MYO3A: variants seen among roughly 807,000 people sequenced by gnomAD.
MYO3A encodes myosin-IIIa.
In MYO3A, 180 loss-of-function variants were observed where a neutral mutation model predicts 192.7. The observed-to-expected ratio is 0.93, with a 90% confidence interval of 0.83 to 1.06. The LOEUF (loss-of-function observed/expected upper bound fraction) is 1.06, where lower values mean the gene tolerates loss of function less well. Ranked by LOEUF, MYO3A falls within the 50% of genes least tolerant of loss-of-function variation. The pLI is 0.00. For synonymous variants in MYO3A, 628 were observed against 645.3 expected (o/e 0.97, Z 0.41); for missense variants, 1,896 against 1,905.0 (o/e 1.00, Z 0.09).
At chr10:26,017,287 A>G (rs765287012) in intron 7 of MYO3A, among the ~76,000 whole-genome samples, 12 of 152,208 alleles carry the variant, frequency 7.9e-5, no homozygotes, top group Non-Finnish European at 1.3e-4. Flanking sequence ...CCATTAACCC[A>G]TATGGCAGGT....
At position 25,960,335 on chromosome 10, in the gene MYO3A, C is replaced by T. The variant is rs1340820084; in HGVS notation, c.303+5327C>T. Among the ~76,000 whole-genome samples, 12 of 151,998 alleles carry T rather than the reference C, an allele frequency of 7.9e-5. No homozygotes were observed. In the East Asian group the frequency reaches 2.3e-3, roughly 29 times the overall value. ...ATATTATTTTACAAAATTAAATAGCCATGTATGTTCTTTAAAAATAGACAA... is the reference window on the plus strand; with the variant it reads ...ATATTATTTTACAAAATTAAATAGCTATGTATGTTCTTTAAAAATAGACAA... On this transcript the variant is annotated intron_variant, in intron 4 of 34. Transcript: ENST00000642920.
intron 6 of MYO3A, among the ~76,000 whole-genome samples, chr10:25,999,149 C>T (rs757069893): frequency 2.8e-4 from 43 of 152,108 alleles, no homozygotes; most frequent in Non-Finnish European, 5.9e-4. Context: ...CCACCCGTCT[C>T]GGCCTCCCAA....
rs1176094576 is a variant in MYO3A, at chr10:26,120,765, C to T, written c.1866C>T (p.Asp622=). Residue 622 remains aspartate, a synonymous_variant, in exon 18 of 35, where the codon GAC becomes GAT. Coordinates refer to ENST00000642920, the MANE Select transcript of MYO3A (RefSeq NM_017433.5). ...CTGTGGCAACTGAACACCAGATTGA[C>T]AAGAGCCACATTTCTAATCATACAG... ...FSSVATEHQI[D]KSHISNHTAL... is the part of the protein sequence containing the mutation. 1 of 1,614,072 alleles carries T rather than the reference C, an allele frequency of 6.2e-7. No homozygotes were observed. The highest frequency in any genetic ancestry group is 8.5e-7 in the Non-Finnish European group (1 of 1,179,998).
intron 23 of MYO3A, among the ~76,000 whole-genome samples, chr10:26,149,698 A>G (rs1377797001): frequency 1.3e-5 from 2 of 152,244 alleles, no homozygotes; most frequent in African/African-American, 4.8e-5. Flanking sequence ...ACATTGTAGA[A>G]TAATGAAATC....
intron 2 of MYO3A, among the ~76,000 whole-genome samples, chr10:25,947,911 T>C (rs1836961295): frequency 1.3e-5 from 2 of 152,062 alleles, no homozygotes; most frequent in Non-Finnish European, 2.9e-5. Context: ...ATTCTGGTAG[T>C]GGAGAAAACA....
chr10:26,147,300 T>C, intron 22 of MYO3A, 130 bp from the exon 23 acceptor site: 1 of 930,380 alleles, frequency 1.1e-6, no homozygotes, highest in Non-Finnish European at 1.7e-6. Flanking sequence ...CCTTAGTAAA[T>C]GCTTGTATCA....
intron 11 of MYO3A, 109 bp from the exon 12 acceptor site, chr10:26,068,659 T>C: frequency 1.4e-6 from 1 of 700,322 alleles, no homozygotes; most frequent in Non-Finnish European, 2.4e-6. Context: ...TCTGTTTTTC[T>C]AATCCTTCGT....
intron 21 of MYO3A, among the ~76,000 whole-genome samples, chr10:26,145,217 T>C (rs980248236): frequency 6.6e-6 from 1 of 150,846 alleles, no homozygotes; most frequent in African/African-American, 2.4e-5. Flanking sequence ...GTGACTCTGA[T>C]GCATGACATG....
chr10:26,117,241 T>C (rs1838564844), intron 17 of MYO3A, among the ~76,000 whole-genome samples: 1 of 152,178 alleles, frequency 6.6e-6, no homozygotes, highest in South Asian at 2.1e-4. Context: ...TTCTGCATCA[T>C]TTTATATACT....
At chr10:26,153,432 T>C (rs1239112076) in intron 23 of MYO3A, among the ~76,000 whole-genome samples, 1 of 152,250 alleles carries the variant, frequency 6.6e-6, no homozygotes, top group East Asian at 1.9e-4. Context: ...CCAACCATAG[T>C]TGATTTGCTT....
chr10:25,995,738 G>A (rs941274530), intron 4 of MYO3A, among the ~76,000 whole-genome samples: 1 of 152,250 alleles, frequency 6.6e-6, no homozygotes, highest in Non-Finnish European at 1.5e-5. Flanking sequence ...ACCCTCAGCT[G>A]CAGGTCTGTT....
chr10:26,185,329 CTTTTTTTT>C (rs61581382), intron 31 of MYO3A, among the ~76,000 whole-genome samples: 4 of 63,854 alleles, frequency 6.3e-5, no homozygotes, highest in South Asian at 6.7e-4. Flanking sequence ...TTCCAGGATT[CTTTTTTTT>C]TTTTTTTTTT....
chr10:26,162,237 G>A (rs1841519327), intron 26 of MYO3A, among the ~76,000 whole-genome samples: 1 of 152,178 alleles, frequency 6.6e-6, no homozygotes, highest in Non-Finnish European at 1.5e-5. Flanking sequence ...GTATAAAGAA[G>A]ATACTCTGAG....
At chr10:25,996,254 G>A (rs1166432328) in intron 4 of MYO3A, among the ~76,000 whole-genome samples, 1 of 152,144 alleles carries the variant, frequency 6.6e-6, no homozygotes, top group Non-Finnish European at 1.5e-5. Flanking sequence ...TCAAGCTCAT[G>A]CTTCTCCAAA....
chr10:26,034,819 T>C (rs1251410153), intron 10 of MYO3A, among the ~76,000 whole-genome samples: 3 of 151,776 alleles, frequency 2.0e-5, no homozygotes, highest in Non-Finnish European at 4.4e-5. Context: ...GGCTAGTGTC[T>C]GGATATTTAT....
chr10:26,014,042 T>C (rs1841832009), intron 6 of MYO3A, among the ~76,000 whole-genome samples: 1 of 152,020 alleles, frequency 6.6e-6, no homozygotes, highest in African/African-American at 2.4e-5. Flanking sequence ...AAAAACCATA[T>C]ATTATCACTT....
intron 17 of MYO3A, among the ~76,000 whole-genome samples, chr10:26,105,911 T>A (rs968274600): frequency 6.6e-6 from 1 of 152,224 alleles, no homozygotes; most frequent in East Asian, 1.9e-4. Context: ...AGAGCCAGAA[T>A]TGACTTATCC....
chr10:25,965,141 T>A (rs551471693), intron 4 of MYO3A, among the ~76,000 whole-genome samples: 1 of 152,342 alleles, frequency 6.6e-6, no homozygotes, highest in East Asian at 1.9e-4. Flanking sequence ...TATTGATATC[T>A]TTCTCTAGGT....
chr10:26,060,932 A>T (rs1407505079), intron 10 of MYO3A, among the ~76,000 whole-genome samples: 2 of 117,214 alleles, frequency 1.7e-5, no homozygotes, highest in Non-Finnish European at 4.1e-5. Context: ...TTTTTATTTT[A>T]TTTTATTTTT....
Sources: allele counts gnomAD v4.1 joint callset (sites outside exome capture counted in the v4.1 genomes callset), GRCh38; gene constraint gnomAD v4.1.1; transcripts MANE v1.5; gene names NCBI Gene and HGNC (gene_info 2026-07-23, HGNC 2026-07-21).